FBXW4: variants seen among roughly 807,000 people sequenced by gnomAD.
The protein encoded by FBXW4 is F-box and WD repeat domain containing 4.
In FBXW4, 40 loss-of-function variants were observed where a neutral mutation model predicts 61.8. The observed-to-expected ratio is 0.65, with a 90% CI of 0.50 to 0.84. FBXW4 has a LOEUF of 0.84. Ranked by LOEUF, FBXW4 falls within the 40% of genes least tolerant of loss-of-function variation. The probability of loss-of-function intolerance (pLI) is 0.00; values close to 1 mark genes in which losing one functional copy is unlikely to be tolerated. For synonymous variants in FBXW4, 311 were observed against 313.8 expected, an observed-to-expected ratio of 0.99 and a Z score of 0.10; for missense variants, 672 against 753.8, an observed-to-expected ratio of 0.89 and a Z score of 1.27.
intron 5 of FBXW4, among the ~76,000 whole-genome samples, chr10:101,643,752 A>G (rs1345613319): frequency 6.6e-6 from 1 of 152,122 alleles, no homozygotes; most frequent in African/African-American, 2.4e-5. Context: ...CTCCCACGGT[A>G]AGTGCTTTCA....
At chr10:101,662,219 C>T (rs2064251369) in intron 5 of FBXW4, among the ~76,000 whole-genome samples, 1 of 152,198 alleles carries the variant, frequency 6.6e-6, no homozygotes, top group Non-Finnish European at 1.5e-5. Flanking sequence ...ACCACACACA[C>T]AACACACAGT....
rs746693690 is a variant in FBXW4, at chr10:101,611,594, G to A, written c.1584+34C>T. The A allele has an allele frequency of 6.4e-5, 103 of 1,611,632 alleles. No homozygotes were observed. The highest frequency in any genetic ancestry group is 7.6e-5 in the Non-Finnish European group (90 of 1,178,418). ...AATGCAGCCCATAATCATGAGTCCT[G>A]GCATGCTGGAGAAGAGGTGGGCAGG... is the stretch of plus-strand genomic sequence containing the variant. On this transcript the variant is annotated intron_variant, in intron 8 of 8. Coordinates refer to ENST00000331272, the MANE Select transcript of FBXW4 (RefSeq NM_022039.4). The surrounding 1 kb of genome is among the most constrained non-coding windows in gnomAD (Gnocchi z 4.9).
chr10:101,639,406 C>T (rs777153585), intron 5 of FBXW4, among the ~76,000 whole-genome samples: 2 of 152,216 alleles, frequency 1.3e-5, no homozygotes, highest in African/African-American at 2.4e-5. Context: ...TCAGACTCTT[C>T]ACTTTGTTTA....
rs1226908177 is a variant in FBXW4 at position 101,667,908 on chromosome 10, T to C, written c.1213A>G (p.Ile405Val). The stretch of plus-strand genomic sequence containing the variant: ...TACCTGAGTAATGGGCTGATAGCAA[T>C]GGACCAGACTCGGTCTTCAGTCTGG... The part of the protein sequence containing the change: ...TIQTEDRVWS[I>V]AISPLLSSFV... Residue 405 changes from isoleucine to valine, a missense_variant, in exon 5 of 9, where the codon ATT becomes GTT. Physicochemically the swap from Ile to Val is conservative, Grantham distance 29. This residue lies in a region of FBXW4 where 312 missense variants were observed against 370.1 expected (regional missense o/e 0.84). Coordinates refer to ENST00000331272, the MANE Select transcript of FBXW4 (RefSeq NM_022039.4). The C allele has an allele frequency of 6.2e-7, 1 of 1,614,128 alleles. No individual in the cohort carries two copies. The highest frequency in any genetic ancestry group is 8.5e-7 in the Non-Finnish European group (1 of 1,179,976).
At chr10:101,646,182 G>A (rs1445953468) in intron 5 of FBXW4, among the ~76,000 whole-genome samples, 1 of 152,206 alleles carries the variant, frequency 6.6e-6, no homozygotes, top group East Asian at 1.9e-4. Flanking sequence ...GGTAAGAAGT[G>A]AGGCCTTGGG....
intron 4 of FBXW4, among the ~76,000 whole-genome samples, chr10:101,668,362 G>A (rs2064327028): frequency 6.6e-6 from 1 of 152,086 alleles, no homozygotes; most frequent in South Asian, 2.1e-4. Flanking sequence ...CTCTCACCAA[G>A]ATTTTACTTT....
chr10:101,612,276 A>T (rs1407157986), intron 7 of FBXW4, 61 bp downstream of exon 7: 4 of 1,440,444 alleles, frequency 2.8e-6, no homozygotes, highest in Non-Finnish European at 3.7e-6. Flanking sequence ...CCAGGACTGG[A>T]GGAAGGACCA....
At chr10:101,690,708 T>C (rs1162936401) in intron 1 of FBXW4, among the ~76,000 whole-genome samples, 1 of 152,198 alleles carries the variant, frequency 6.6e-6, no homozygotes, top group Non-Finnish European at 1.5e-5. Flanking sequence ...CAGTAAACCT[T>C]AGCAGTTTGT....
chr10:101,690,744 G>A (rs1018660432), intron 1 of FBXW4, among the ~76,000 whole-genome samples: 1 of 152,166 alleles, frequency 6.6e-6, no homozygotes, highest in East Asian at 1.9e-4. Flanking sequence ...GAGGCTCTTC[G>A]TCCCGGAGTG....
intron 5 of FBXW4, among the ~76,000 whole-genome samples, chr10:101,627,617 C>T (rs1040980967): frequency 2.0e-5 from 3 of 152,124 alleles, no homozygotes; most frequent in Non-Finnish European, 2.9e-5. Flanking sequence ...TTAGAAAGGG[C>T]GTGCGCACAT....
intron 4 of FBXW4, among the ~76,000 whole-genome samples, chr10:101,670,750 G>A (rs1006031634): frequency 7.2e-5 from 11 of 152,240 alleles, no homozygotes; most frequent in Non-Finnish European, 7.3e-5. Context: ...TACCAGCCCA[G>A]GCTCATTAAG....
intron 1 of FBXW4, among the ~76,000 whole-genome samples, chr10:101,690,770 C>G (rs1292228987): frequency 6.6e-6 from 1 of 152,172 alleles, no homozygotes; most frequent in Admixed American, 6.5e-5. Context: ...CATAAGTCCA[C>G]AGGTTCTGCT....
rs937993361 is a variant in FBXW4, at chr10:101,660,086, G to A, written c.1235+7800C>T. The A allele has an allele frequency of 8.0e-5, 79 of 985,426 alleles. No individual in the cohort carries two copies. The South Asian group carries it at 1.0e-3, about 13-fold the overall frequency. The allele number at this position is 985,426 out of a possible 1,614,324, so 61.0% of individuals were successfully genotyped here. On this transcript the variant is annotated intron_variant, in intron 5 of 8. Coordinates refer to ENST00000331272, the MANE Select transcript of FBXW4 (RefSeq NM_022039.4). ...CCCATGGCCCAAAGGAAGGAAGGGCGGGAGGGGTCGGAGTCAGATTGAAGT... is the reference window on the plus strand; with the variant it reads ...CCCATGGCCCAAAGGAAGGAAGGGCAGGAGGGGTCGGAGTCAGATTGAAGT...
intron 5 of FBXW4, among the ~76,000 whole-genome samples, chr10:101,652,200 A>C (rs759813864): frequency 2.0e-5 from 3 of 152,010 alleles, no homozygotes; most frequent in Non-Finnish European, 4.4e-5. Context: ...AGGACTTGAA[A>C]GTTTTTAGTT....
At chr10:101,617,043 T>C (rs1435995077) in intron 6 of FBXW4, among the ~76,000 whole-genome samples, 1 of 152,156 alleles carries the variant, frequency 6.6e-6, no homozygotes, top group Non-Finnish European at 1.5e-5. Flanking sequence ...TGGAGCCAGA[T>C]GAGACGGCTG....
intron 6 of FBXW4, among the ~76,000 whole-genome samples, chr10:101,619,023 C>T (rs2063847302): frequency 6.6e-6 from 1 of 152,172 alleles, no homozygotes; most frequent in African/African-American, 2.4e-5. Context: ...AGGCACCTTC[C>T]CTGGGGCCTA....
At chr10:101,690,945 G>A (rs551222978) in intron 1 of FBXW4, among the ~76,000 whole-genome samples, 3 of 152,224 alleles carry the variant, frequency 2.0e-5, no homozygotes, top group South Asian at 2.1e-4. Context: ...AAAAAGTTCC[G>A]TTTTACAATT....
chr10:101,685,840 C>T (rs750752100), intron 1 of FBXW4, among the ~76,000 whole-genome samples: 34 of 152,178 alleles, frequency 2.2e-4, no homozygotes, highest in Non-Finnish European at 3.5e-4. Context: ...AGGAACTGCT[C>T]AAGCAAGAGT....
At chr10:101,662,348 C>G (rs1467887291) in intron 5 of FBXW4, among the ~76,000 whole-genome samples, 1 of 152,098 alleles carries the variant, frequency 6.6e-6, no homozygotes, top group African/African-American at 2.4e-5. Context: ...AGAAATGAAG[C>G]AAGAAGGGGC....
Sources: gnomAD v4.1 joint callset for allele counts (sites outside exome capture counted in the v4.1 genomes callset) on GRCh38, gnomAD v4.1.1 for gene constraint, gnomAD v4.1.1 regional missense constraint, Gnocchi (gnomAD v3.1) non-coding constraint, MANE v1.5 for transcripts, NCBI Gene and HGNC (gene_info 2026-07-23, HGNC 2026-07-21) for gene names.